Variants in TMEM132C observed in about 807,000 individuals in gnomAD.
The protein encoded by TMEM132C is transmembrane protein 132C, also known as protein phosphatase 1, regulatory subunit 152.
TMEM132C carries 29 observed loss-of-function variants against 61.4 expected under a neutral mutation model. That is an observed-to-expected ratio of 0.47 (90% confidence interval 0.35 to 0.64). The LOEUF is 0.64. Ranked by LOEUF, TMEM132C falls within the 30% of genes least tolerant of loss-of-function variation. TMEM132C has a pLI of 0.00. For synonymous variants in TMEM132C, 656 were observed against 633.1 expected, an observed-to-expected ratio of 1.04 and a Z score of -0.54; for missense variants, 1,408 against 1,476.9, an observed-to-expected ratio of 0.95 and a Z score of 0.76.
At chr12:128,359,342 A>G (rs768146444) in intron 1 of TMEM132C, among the ~76,000 whole-genome samples, 1 of 151,872 alleles carries the variant, frequency 6.6e-6, no homozygotes, top group Non-Finnish European at 1.5e-5. Context: ...GTGCAGGGGA[A>G]CTCTCCTTTA....
chr12:128,590,538 C>A (rs1875714259), intron 3 of TMEM132C, among the ~76,000 whole-genome samples: 1 of 152,188 alleles, frequency 6.6e-6, no homozygotes, highest in Non-Finnish European at 1.5e-5. Context: ...CAACGAGGGA[C>A]TCCGGGTCTC....
intron 5 of TMEM132C, among the ~76,000 whole-genome samples, chr12:128,690,338 G>T (rs1437167633): frequency 2.6e-5 from 4 of 152,206 alleles, no homozygotes; most frequent in Non-Finnish European, 5.9e-5. Flanking sequence ...TTTTGTAGAT[G>T]AGTGGGCTCA....
At chr12:128,473,598 C>T (rs1040647115) in intron 2 of TMEM132C, among the ~76,000 whole-genome samples, 58 of 151,158 alleles carry the variant, frequency 3.8e-4, no homozygotes, top group African/African-American at 1.3e-3. Flanking sequence ...TCACTCCAGC[C>T]TCTATCTTCA....
chr12:128,533,191 G>T (rs1009511478), intron 2 of TMEM132C, among the ~76,000 whole-genome samples: 6 of 152,174 alleles, frequency 3.9e-5, no homozygotes, highest in African/African-American at 1.2e-4. Context: ...AATGCCCAGG[G>T]TAGAGAACAC....
At chr12:128,296,037 A>T (rs935078542) in intron 1 of TMEM132C, among the ~76,000 whole-genome samples, 1 of 152,148 alleles carries the variant, frequency 6.6e-6, no homozygotes, top group Non-Finnish European at 1.5e-5. Context: ...CTTTCTTCCT[A>T]GTGTCCAAGT....
intron 4 of TMEM132C, among the ~76,000 whole-genome samples, chr12:128,638,436 T>C (rs1444026527): frequency 3.3e-5 from 5 of 152,230 alleles, no homozygotes; most frequent in Non-Finnish European, 7.3e-5. Context: ...TTGAGTTTCA[T>C]TTCCACAGTG....
At chr12:128,635,370 A>G (rs1370330632) in intron 4 of TMEM132C, among the ~76,000 whole-genome samples, 2 of 152,072 alleles carry the variant, frequency 1.3e-5, no homozygotes, top group Non-Finnish European at 2.9e-5. Context: ...ATTTTCAAGA[A>G]CCTTAGGTGG....
chr12:128,627,335 ATC>A (rs1247828724), intron 4 of TMEM132C, among the ~76,000 whole-genome samples: 2 of 151,158 alleles, frequency 1.3e-5, no homozygotes, highest in Non-Finnish European at 1.5e-5. Context: ...CTGGAATTTC[ATC>A]TCTCTCTCAT....
chr12:128,385,380 C>T (rs10847604), intron 1 of TMEM132C, among the ~76,000 whole-genome samples: 4,264 of 13,598 alleles, frequency 0.31, 486 homozygotes, highest in African/African-American at 0.4. Flanking sequence ...AGGATCATTG[C>T]AAAGATTCGA....
intron 2 of TMEM132C, among the ~76,000 whole-genome samples, chr12:128,462,150 G>A (rs1870553674): frequency 6.6e-6 from 1 of 152,120 alleles, no homozygotes; most frequent in Non-Finnish European, 1.5e-5. Context: ...CTGTCACCCA[G>A]GCTGGAGTGC....
intron 1 of TMEM132C, among the ~76,000 whole-genome samples, chr12:128,328,824 A>G (rs941454436): frequency 6.6e-6 from 1 of 151,432 alleles, no homozygotes; most frequent in South Asian, 2.1e-4. Flanking sequence ...TAAAGCCGCA[A>G]TTACTTTTGC....
At chr12:128,690,038 G>A (rs936137601) in intron 5 of TMEM132C, among the ~76,000 whole-genome samples, 3 of 152,194 alleles carry the variant, frequency 2.0e-5, no homozygotes, top group Non-Finnish European at 2.9e-5. Context: ...TAGGAGGCAG[G>A]TGCAGACTCA....
At chr12:128,509,402 A>G (rs762228751) in intron 2 of TMEM132C, among the ~76,000 whole-genome samples, 37 of 152,196 alleles carry the variant, frequency 2.4e-4, no homozygotes, top group Non-Finnish European at 4.6e-4. Flanking sequence ...CCAAATCTAC[A>G]TTTTACATGT....
Position 128,547,099 on chromosome 12 carries a change from T to C in TMEM132C, c.1121+2996T>C, listed in dbSNP as rs1451842554. ...AGGTCTGATAGCAAGATCTTTCTTA[T>C]GTATAGCACTGCCACGGGCAATGGT... is the stretch of plus-strand genomic sequence containing the variant. On this transcript the variant is annotated intron_variant, in intron 3 of 8. Transcript: ENST00000435159. Among the ~76,000 whole-genome samples the C allele has an allele frequency of 2.0e-5, 3 of 152,186 alleles. No homozygotes were observed. The East Asian group carries it at 5.8e-4, about 29-fold the overall frequency.
At chr12:128,412,738 A>G (rs1446969512) in intron 1 of TMEM132C, among the ~76,000 whole-genome samples, 1 of 152,046 alleles carries the variant, frequency 6.6e-6, no homozygotes, top group Admixed American at 6.5e-5. Flanking sequence ...TAAATTACCC[A>G]GTCTGGGGTA....
intron 1 of TMEM132C, among the ~76,000 whole-genome samples, chr12:128,303,256 C>A (rs1309844483): frequency 6.6e-6 from 1 of 152,168 alleles, no homozygotes; most frequent in East Asian, 1.9e-4. Context: ...AGCAGGAATA[C>A]AAAATTTATC....
intron 2 of TMEM132C, among the ~76,000 whole-genome samples, chr12:128,497,135 T>G (rs560007753): frequency 6.6e-6 from 1 of 152,354 alleles, no homozygotes; most frequent in South Asian, 2.1e-4. Context: ...CAGTGGTGGC[T>G]GCAGAACAGC....
chr12:128,583,679 T>C (rs1455466113), intron 3 of TMEM132C, among the ~76,000 whole-genome samples: 4 of 152,178 alleles, frequency 2.6e-5, no homozygotes, highest in African/African-American at 9.7e-5. Flanking sequence ...TGGTTCCCTC[T>C]CTCAACGTGT....
chr12:128,551,657 A>G (rs1874179629), intron 3 of TMEM132C, among the ~76,000 whole-genome samples: 1 of 152,252 alleles, frequency 6.6e-6, no homozygotes, highest in Non-Finnish European at 1.5e-5. Flanking sequence ...GAAGAGGCAG[A>G]AAAGCACATA....
Sources: allele counts gnomAD v4.1 joint callset (sites outside exome capture counted in the v4.1 genomes callset), GRCh38; gene constraint gnomAD v4.1.1; transcripts MANE v1.5; gene names NCBI Gene and HGNC (gene_info 2026-07-23, HGNC 2026-07-21).